Variants in DOCK4 observed in about 807,000 individuals in gnomAD.
The protein encoded by DOCK4 is dedicator of cytokinesis 4, also known as dedicator of cytokinesis protein 4.
DOCK4 carries 97 observed loss-of-function variants against 268.1 expected under a neutral mutation model. The observed-to-expected ratio is 0.36, with a 90% CI of 0.31 to 0.43. DOCK4 has a LOEUF of 0.43. Ranked by LOEUF, DOCK4 falls within the 20% of genes least tolerant of loss-of-function variation. DOCK4 has a pLI of 1.00. For synonymous variants in DOCK4, 954 were observed against 887.2 expected (o/e 1.08, Z -1.34); for missense variants, 2,145 against 2,455.7 (o/e 0.87, Z 2.67).
intron 1 of DOCK4, among the ~76,000 whole-genome samples, chr7:112,106,624 G>A (rs772470398): frequency 6.6e-6 from 1 of 152,172 alleles, no homozygotes; most frequent in Non-Finnish European, 1.5e-5. Context: ...TATTCCCAAG[G>A]AACATCCAAT....
chr7:111,863,846 A>C (rs1805755911), intron 22 of DOCK4, among the ~76,000 whole-genome samples: 1 of 152,234 alleles, frequency 6.6e-6, no homozygotes, highest in Admixed American at 6.5e-5. Context: ...AGAATCAGTG[A>C]AGTGCATCAA....
At chr7:112,041,797 C>A (rs528386305) in intron 1 of DOCK4, among the ~76,000 whole-genome samples, 1 of 152,188 alleles carries the variant, frequency 6.6e-6, no homozygotes. Context: ...CCCATCCCCC[C>A]ACAACCCTAA....
chr7:111,895,595 C>T lies in DOCK4; in HGVS notation c.1587+17G>A. 6.2e-7 allele frequency: 1 copy of T among 1,609,792 alleles called. No homozygotes were observed. The highest frequency in any genetic ancestry group is 8.5e-7 in the Non-Finnish European group (1 of 1,176,232). On this transcript the variant is annotated intron_variant, in intron 16 of 52. Transcript: ENST00000428084. ...ACTGTTTTTTACTGCCCATCGCCACCATCTGACTGATGTTACCTTATGCAC... is the reference window on the plus strand; with the variant it reads ...ACTGTTTTTTACTGCCCATCGCCACTATCTGACTGATGTTACCTTATGCAC...
chr7:111,947,877 C>CCA (rs1479223137), intron 8 of DOCK4, among the ~76,000 whole-genome samples: 2 of 152,016 alleles, frequency 1.3e-5, no homozygotes, highest in Non-Finnish European at 2.9e-5. Flanking sequence ...CTGTGTGCCA[C>CCA]CACACTCGGC....
At chr7:111,730,153 T>C (rs1244758912) in intron 52 of DOCK4, among the ~76,000 whole-genome samples, 1 of 152,272 alleles carries the variant, frequency 6.6e-6, no homozygotes, top group East Asian at 1.9e-4. Context: ...TTTGTTACTT[T>C]CCCAACTAGT....
At chr7:111,756,284 G>C (rs1282151623) in intron 41 of DOCK4, among the ~76,000 whole-genome samples, 1 of 152,200 alleles carries the variant, frequency 6.6e-6, no homozygotes, top group Non-Finnish European at 1.5e-5. Flanking sequence ...GGGAGGTGGA[G>C]CTTGCAGTAA....
chr7:111,940,981 T>C (rs1052772738), intron 10 of DOCK4, among the ~76,000 whole-genome samples: 8 of 152,300 alleles, frequency 5.3e-5, no homozygotes, highest in Middle Eastern at 3.4e-3. Context: ...AACACAACCA[T>C]AAATTGTTTC....
At chr7:111,911,258 A>G (rs1182234824) in intron 13 of DOCK4, among the ~76,000 whole-genome samples, 1 of 152,222 alleles carries the variant, frequency 6.6e-6, no homozygotes, top group Non-Finnish European at 1.5e-5. Flanking sequence ...TTGTTCACAC[A>G]CACTTTCTCA....
intron 1 of DOCK4, among the ~76,000 whole-genome samples, chr7:112,045,854 G>A (rs1163519868): frequency 6.6e-6 from 1 of 152,186 alleles, no homozygotes; most frequent in Non-Finnish European, 1.5e-5. Context: ...TAAAAAATGA[G>A]GGAATATAGG....
At chr7:111,747,697 C>T (rs1464525608) in intron 42 of DOCK4, among the ~76,000 whole-genome samples, 1 of 152,160 alleles carries the variant, frequency 6.6e-6, no homozygotes, top group East Asian at 1.9e-4. Flanking sequence ...TACATTAGCA[C>T]TGCAACAACC....
At chr7:111,737,641 T>A (rs901777269) in intron 49 of DOCK4, among the ~76,000 whole-genome samples, 5 of 152,212 alleles carry the variant, frequency 3.3e-5, no homozygotes, top group African/African-American at 1.2e-4. Flanking sequence ...TTTTACCTAA[T>A]ATATTAAATA....
chr7:111,976,161 A>ATATATATAT (rs58020083), intron 8 of DOCK4, among the ~76,000 whole-genome samples: 6 of 34,014 alleles, frequency 1.8e-4, no homozygotes, highest in African/African-American at 4.5e-4. Context: ...AAAAAAAAAA[A>ATATATATAT]ATATATATAT....
intron 30 of DOCK4, among the ~76,000 whole-genome samples, chr7:111,801,274 C>A (rs181003121): frequency 1.3e-5 from 2 of 152,060 alleles, no homozygotes; most frequent in African/African-American, 4.8e-5. Context: ...AATCAAACAT[C>A]GCCTCCTTCA....
intron 12 of DOCK4, among the ~76,000 whole-genome samples, chr7:111,933,589 C>G (rs1794453961): frequency 6.6e-6 from 1 of 151,866 alleles, no homozygotes; most frequent in South Asian, 2.1e-4. Flanking sequence ...GCCACCGCAC[C>G]CAGCCGAGAA....
intron 12 of DOCK4, among the ~76,000 whole-genome samples, chr7:111,934,605 T>C (rs1298170326): frequency 2.0e-5 from 3 of 148,460 alleles, no homozygotes; most frequent in South Asian, 2.2e-4. Flanking sequence ...CCTTGGCTCA[T>C]TGCAAGCTCC....
chr7:112,169,948 A>G (rs952845823), intron 1 of DOCK4, among the ~76,000 whole-genome samples: 1 of 152,098 alleles, frequency 6.6e-6, no homozygotes, highest in African/African-American at 2.4e-5. Context: ...CTCCACCAAC[A>G]CTTTTTCCTG....
intron 7 of DOCK4, among the ~76,000 whole-genome samples, chr7:111,983,706 T>C (rs1038919084): frequency 3.9e-5 from 6 of 152,126 alleles, no homozygotes; most frequent in African/African-American, 1.4e-4. Context: ...TCAAATATTT[T>C]AGGATGATTC....
chr7:111,855,635 A>C (rs930270389), intron 23 of DOCK4, among the ~76,000 whole-genome samples: 2 of 152,160 alleles, frequency 1.3e-5, no homozygotes, highest in African/African-American at 4.8e-5. Flanking sequence ...CATGGATGGC[A>C]CTAACTGAGG....
At chr7:111,988,911 C>G in intron 6 of DOCK4, 104 bp downstream of exon 6, 5 of 1,449,032 alleles carry the variant, frequency 3.5e-6, no homozygotes, top group African/African-American at 1.4e-5. Context: ...CATGAAAAAG[C>G]CCATAGGATT....
Sources: allele counts gnomAD v4.1 joint callset (sites outside exome capture counted in the v4.1 genomes callset), GRCh38; gene constraint gnomAD v4.1.1; transcripts MANE v1.5; gene names NCBI Gene and HGNC (gene_info 2026-07-23, HGNC 2026-07-21).